The following CNTNAP2 variants were observed in gnomAD, a reference collection of about 807,000 sequenced individuals.
CNTNAP2 encodes contactin associated protein 2.
CNTNAP2 carries 98 observed loss-of-function variants against 155.2 expected under a neutral mutation model. The observed-to-expected ratio is 0.63, with a 90% CI of 0.54 to 0.75. The LOEUF is 0.75. CNTNAP2 is among the 30% of genes least tolerant of loss of function. The pLI, the probability that CNTNAP2 is intolerant of heterozygous loss-of-function variation, is 0.00. For synonymous variants in CNTNAP2, 651 were observed against 631.2 expected, an observed-to-expected ratio of 1.03 and a Z score of -0.47; for missense variants, 1,727 against 1,688.1, an observed-to-expected ratio of 1.02 and a Z score of -0.40.
chr7:146,570,256 G>A (rs1413439448), intron 1 of CNTNAP2, among the ~76,000 whole-genome samples: 3 of 151,442 alleles, frequency 2.0e-5, no homozygotes, highest in Non-Finnish European at 4.4e-5. Flanking sequence ...GGAGTAATTT[G>A]CTCACCAGCA....
intron 10 of CNTNAP2, among the ~76,000 whole-genome samples, chr7:147,419,667 A>C (rs1354470222): frequency 6.6e-6 from 1 of 152,164 alleles, no homozygotes; most frequent in East Asian, 1.9e-4. Context: ...GGGTTAGCAT[A>C]CATCTCAGCT....
chr7:146,703,725 T>G (rs562984659), intron 1 of CNTNAP2, among the ~76,000 whole-genome samples: 89 of 152,180 alleles, frequency 5.8e-4, no homozygotes, highest in African/African-American at 1.9e-3. Context: ...ACTAATCCCA[T>G]TCATGAAGGT....
chr7:148,186,704 C>T (rs1795121408), intron 18 of CNTNAP2, among the ~76,000 whole-genome samples: 1 of 152,182 alleles, frequency 6.6e-6, no homozygotes, highest in South Asian at 2.1e-4. Context: ...CCTTCAAAAT[C>T]CCCAACTCTG....
At chr7:146,825,501 G>T (rs1471929067) in intron 2 of CNTNAP2, among the ~76,000 whole-genome samples, 1 of 152,106 alleles carries the variant, frequency 6.6e-6, no homozygotes, top group Non-Finnish European at 1.5e-5. Context: ...AGATCTTAAA[G>T]AATTTGTTTA....
chr7:147,883,587 G>A (rs955548869), intron 13 of CNTNAP2, among the ~76,000 whole-genome samples: 1 of 152,144 alleles, frequency 6.6e-6, no homozygotes, highest in Non-Finnish European at 1.5e-5. Flanking sequence ...AAAAATTGCA[G>A]CTATTCTTTA....
intron 8 of CNTNAP2, among the ~76,000 whole-genome samples, chr7:147,287,265 T>C (rs1469411895): frequency 6.6e-6 from 1 of 152,006 alleles, no homozygotes; most frequent in Non-Finnish European, 1.5e-5. Context: ...CAAGCTGGGG[T>C]GATCCACCAT....
At chr7:148,179,709 A>C (rs1795003654) in intron 18 of CNTNAP2, among the ~76,000 whole-genome samples, 1 of 151,284 alleles carries the variant, frequency 6.6e-6, no homozygotes, top group Non-Finnish European at 1.5e-5. Context: ...AAGGGAGGAG[A>C]AAGAGGGAGA....
At chr7:147,311,890 G>C (rs570974748) in intron 9 of CNTNAP2, among the ~76,000 whole-genome samples, 1 of 152,150 alleles carries the variant, frequency 6.6e-6, no homozygotes, top group East Asian at 1.9e-4. Context: ...GTGATGGTCT[G>C]TTATTGCTTA....
At chr7:148,331,575 G>C in intron 21 of CNTNAP2, among the ~76,000 whole-genome samples, 1 of 94,046 alleles carries the variant, frequency 1.1e-5, no homozygotes, top group East Asian at 3.2e-4. Context: ...GGAGTGGATG[G>C]ATGGAATGGA....
chr7:146,246,080 C>T (rs957066597), intron 1 of CNTNAP2, among the ~76,000 whole-genome samples: 1 of 151,890 alleles, frequency 6.6e-6, no homozygotes, highest in African/African-American at 2.4e-5. Flanking sequence ...CTGTAGCAGG[C>T]AAGTGATAGC....
At chr7:148,361,399 A>G (rs916445596) in intron 21 of CNTNAP2, among the ~76,000 whole-genome samples, 4 of 152,172 alleles carry the variant, frequency 2.6e-5, no homozygotes, top group African/African-American at 9.7e-5. Context: ...TGGGTGGCTT[A>G]CAGCAATACA....
At chr7:147,369,598 A>C (rs573213140) in intron 9 of CNTNAP2, among the ~76,000 whole-genome samples, 2 of 152,318 alleles carry the variant, frequency 1.3e-5, no homozygotes, top group East Asian at 3.9e-4. Context: ...TTTGGAGGCC[A>C]TATGGTCTCT....
intron 1 of CNTNAP2, among the ~76,000 whole-genome samples, chr7:146,580,372 T>G (rs1450052704): frequency 1.3e-5 from 2 of 152,036 alleles, no homozygotes; most frequent in African/African-American, 4.8e-5. Flanking sequence ...TATATAACTA[T>G]TATTACCTTG....
At chr7:147,867,780 C>T (rs1799259664) in intron 13 of CNTNAP2, among the ~76,000 whole-genome samples, 2 of 152,086 alleles carry the variant, frequency 1.3e-5, no homozygotes, top group Non-Finnish European at 2.9e-5. Context: ...AGTTCGCGTG[C>T]CATGGTTTTC....
At chr7:146,804,827 G>A (rs1802939665) in intron 2 of CNTNAP2, among the ~76,000 whole-genome samples, 1 of 152,178 alleles carries the variant, frequency 6.6e-6, no homozygotes, top group Non-Finnish European at 1.5e-5. Flanking sequence ...TCTCAATGAT[G>A]TATTCCTCTT....
At chr7:147,735,677 A>G (rs983772332) in intron 13 of CNTNAP2, among the ~76,000 whole-genome samples, 2 of 152,140 alleles carry the variant, frequency 1.3e-5, no homozygotes, top group African/African-American at 2.4e-5. Flanking sequence ...GTAGGTGTCG[A>G]AAGACTTGCT....
At chr7:146,920,481 T>A (rs1171334205) in intron 3 of CNTNAP2, among the ~76,000 whole-genome samples, 2 of 152,062 alleles carry the variant, frequency 1.3e-5, no homozygotes, top group Non-Finnish European at 2.9e-5. Flanking sequence ...CATGCCATAT[T>A]GTATTGAAAA....
intron 2 of CNTNAP2, among the ~76,000 whole-genome samples, chr7:146,831,410 G>A (rs1032591405): frequency 6.6e-6 from 1 of 152,074 alleles, no homozygotes; most frequent in Non-Finnish European, 1.5e-5. Context: ...CAGGCGTGGT[G>A]GCTCAGCCTG....
At chr7:148,154,862 A>G (rs990758282) in intron 17 of CNTNAP2, among the ~76,000 whole-genome samples, 10 of 151,950 alleles carry the variant, frequency 6.6e-5, no homozygotes, top group Non-Finnish European at 2.9e-5. Flanking sequence ...GCTTGAACCC[A>G]GTGGGCAGAG....
Sources: gnomAD v4.1 joint callset for allele counts (sites outside exome capture counted in the v4.1 genomes callset) on GRCh38, gnomAD v4.1.1 for gene constraint, MANE v1.5 for transcripts, NCBI Gene and HGNC (gene_info 2026-07-23, HGNC 2026-07-21) for gene names.